The following MORC3 variants were observed in gnomAD, a reference collection of about 807,000 sequenced individuals.
MORC3 encodes the protein MORC family CW-type zinc finger protein 3.
A neutral mutation model predicts 109.1 loss-of-function variants in MORC3; 31 were observed. That is an observed-to-expected ratio of 0.28 (90% confidence interval 0.21 to 0.38). The LOEUF (loss-of-function observed/expected upper bound fraction) is 0.38. Among genes scored for constraint, MORC3 ranks in the 10% least tolerant of loss-of-function variants. The pLI is 1.00. For synonymous variants in MORC3, 395 were observed against 380.7 expected (o/e 1.04, Z -0.44); for missense variants, 867 against 1,135.8 (o/e 0.76, Z 3.40).
At chr21:36,350,887 A>ATG (rs2085563155) in intron 9 of MORC3, among the ~76,000 whole-genome samples, 1 of 152,130 alleles carries the variant, frequency 6.6e-6, no homozygotes, top group Admixed American at 6.6e-5. Context: ...TATGGAATAC[A>ATG]TGTGATATTT....
chr21:36,325,661 G>A (rs77496493), intron 1 of MORC3, among the ~76,000 whole-genome samples: 3,998 of 152,228 alleles, frequency 0.026, 71 homozygotes, highest in Admixed American at 0.047. Context: ...ATTTGACTAC[G>A]GTAGTCCCCC....
chr21:36,321,448 G>A (rs2085192556), intron 1 of MORC3, among the ~76,000 whole-genome samples: 1 of 151,764 alleles, frequency 6.6e-6, no homozygotes, highest in Non-Finnish European at 1.5e-5. Context: ...AGTTCTTTAC[G>A]TATTCTGGAT....
chr21:36,356,145 C>T (rs755589949), intron 9 of MORC3, among the ~76,000 whole-genome samples: 46 of 152,234 alleles, frequency 3.0e-4, no homozygotes, highest in Non-Finnish European at 5.1e-4. Context: ...TATAATTAAT[C>T]TTATGCAGTT....
intron 3 of MORC3, among the ~76,000 whole-genome samples, chr21:36,337,277 T>G (rs1044581661): frequency 6.6e-6 from 1 of 152,212 alleles, no homozygotes; most frequent in African/African-American, 2.4e-5. Context: ...ATAACTTTAG[T>G]GTAAATTAGG....
At position 36,344,612 on chromosome 21, in the gene MORC3, A is replaced by G. The variant is rs368469915; in HGVS notation, c.790A>G (p.Met264Val). The change falls in exon 7 of 17, where the codon ATG (methionine) becomes GTG (valine). Residue 264 changes from methionine (M) to valine (V), a missense_variant. Transcript: ENST00000400485. ...YCSILYLKPR[M>V]QIILRGQKVK... ...CAGTATATTATATCTAAAGCCAAGA[A>G]TGCAGATCATCCTACGTGGACAGAA... The G allele has an allele frequency of 6.2e-7, 1 of 1,613,990 alleles. No individual in the cohort carries two copies. Among genetic ancestry groups the G allele is most frequent in the Non-Finnish European group, 8.5e-7 (1 of 1,179,986 alleles).
At chr21:36,365,191 G>C (rs2085766532) in intron 14 of MORC3, among the ~76,000 whole-genome samples, 1 of 152,142 alleles carries the variant, frequency 6.6e-6, no homozygotes, top group Non-Finnish European at 1.5e-5. Flanking sequence ...CAAAGAGAAA[G>C]TGATGCATGA....
rs369427555 is a variant in MORC3 at position 36,333,722 on chromosome 21, T to G, written c.112+4T>G. On this transcript the variant is annotated splice_donor_region_variant and intron_variant, in intron 2 of 16. Coordinates refer to ENST00000400485, the MANE Select transcript of MORC3 (RefSeq NM_015358.3). ...AGTGCAGTTGCTGAATTAATAGGTA[T>G]GTAGTTTGACATTTCATATACCATT... 6.2e-6 allele frequency: 10 copies of G among 1,600,242 alleles called. No individual in the cohort carries two copies. In the Admixed American group the frequency reaches 1.7e-4, roughly 27 times the overall value.
chr21:36,364,509 C>A (rs1285405254), intron 14 of MORC3, among the ~76,000 whole-genome samples: 1 of 151,900 alleles, frequency 6.6e-6, no homozygotes, highest in Non-Finnish European at 1.5e-5. Context: ...TGGCAAAACC[C>A]CATCTCTACT....
rs1334756371 is a variant in MORC3, at chr21:36,372,571, G to T, written c.2666+40G>T. Reference sequence around the variant, plus strand: ...GGCGTTTTTGTGGGGCTGCAATTATGGTTAGGATACTATTTATTTTTATCT... The same window carrying T: ...GGCGTTTTTGTGGGGCTGCAATTATTGTTAGGATACTATTTATTTTTATCT... On this transcript the variant is annotated intron_variant, in intron 16 of 16. Coordinates refer to ENST00000400485, the MANE Select transcript of MORC3 (RefSeq NM_015358.3). 7 of 1,525,420 alleles carry T rather than the reference G, an allele frequency of 4.6e-6. 1 individual carries two copies. The East Asian group carries it at 1.6e-4, about 35-fold the overall frequency. 94.5% of individuals were successfully genotyped at this position (1,525,420 alleles called of 1,614,324 possible).
intron 9 of MORC3, among the ~76,000 whole-genome samples, chr21:36,351,361 C>T (rs896258589): frequency 2.0e-4 from 31 of 152,060 alleles, no homozygotes; most frequent in African/African-American, 7.2e-4. Flanking sequence ...CCACCACGCC[C>T]GGCCCTGTTG....
intron 8 of MORC3, 128 bp downstream of exon 8, chr21:36,345,159 T>A: frequency 9.5e-7 from 1 of 1,049,660 alleles, no homozygotes. Context: ...AATGTAAATT[T>A]GTAAAAAATA....
chr21:36,354,583 G>T (rs928396023), intron 9 of MORC3, among the ~76,000 whole-genome samples: 29 of 152,124 alleles, frequency 1.9e-4, no homozygotes, highest in African/African-American at 7.0e-4. Context: ...GATTACAGGC[G>T]TGAGCCACCG....
chr21:36,372,499 T>C lies in MORC3; in HGVS notation c.2634T>C (p.Ile878=). 6 of 1,592,562 alleles carry C rather than the reference T, an allele frequency of 3.8e-6. No homozygotes were observed. The highest frequency in any genetic ancestry group is 5.1e-6 in the Non-Finnish European group (6 of 1,175,368). ...CAGATGTTTCAACATCAAGTAACAT[T>C]GAGGAGTCTGTAAATCATATGGATG... is the stretch of plus-strand genomic sequence containing the variant. ...TATDVSTSSN[I]EESVNHMDGE... The change falls in exon 16 of 17, where the codon ATT becomes ATC. Residue 878 remains isoleucine, a synonymous_variant. Transcript: ENST00000400485.
At chr21:36,332,958 T>G (rs922782977) in intron 1 of MORC3, among the ~76,000 whole-genome samples, 1 of 152,004 alleles carries the variant, frequency 6.6e-6, no homozygotes, top group Non-Finnish European at 1.5e-5. Flanking sequence ...CAGGTACTTT[T>G]TTTGTATTTT....
At chr21:36,335,608 G>T (rs535174119) in intron 2 of MORC3, among the ~76,000 whole-genome samples, 41 of 152,212 alleles carry the variant, frequency 2.7e-4, no homozygotes, top group African/African-American at 9.1e-4. Flanking sequence ...GAGCCGCTGC[G>T]CCCAGCCCTA....
At chr21:36,373,699 CA>C (rs961902139) in intron 16 of MORC3, among the ~76,000 whole-genome samples, 7 of 151,676 alleles carry the variant, frequency 4.6e-5, no homozygotes, top group East Asian at 1.9e-4. Flanking sequence ...TAAAAGCTCA[CA>C]AAAAAACATG....
intron 1 of MORC3, among the ~76,000 whole-genome samples, chr21:36,328,413 G>C (rs1260069306): frequency 6.9e-6 from 1 of 145,128 alleles, no homozygotes; most frequent in African/African-American, 2.5e-5. Flanking sequence ...GTGCAGTGGC[G>C]CCATCGCAGT....
intron 8 of MORC3, among the ~76,000 whole-genome samples, chr21:36,347,324 A>T (rs2085520279): frequency 1.3e-5 from 2 of 152,318 alleles, no homozygotes; most frequent in South Asian, 4.1e-4. Context: ...GCAGAAGTAA[A>T]TGAACTTTAT....
intron 1 of MORC3, among the ~76,000 whole-genome samples, chr21:36,328,920 A>AAAG (rs398121635): frequency 6.6e-6 from 1 of 150,540 alleles, no homozygotes; most frequent in East Asian, 1.9e-4. Flanking sequence ...AAAAAAAAAA[A>AAAG]GAAAAAGAAA....
Sources: allele counts gnomAD v4.1 joint callset (sites outside exome capture counted in the v4.1 genomes callset), GRCh38; gene constraint gnomAD v4.1.1; transcripts MANE v1.5; gene names NCBI Gene and HGNC (gene_info 2026-07-23, HGNC 2026-07-21).